The following ERC2 variants were observed in gnomAD, a reference collection of about 807,000 sequenced individuals.
ERC2 encodes ELKS/RAB6-interacting/CAST family member 2.
A neutral mutation model predicts 114.8 loss-of-function variants in ERC2; 42 were observed. The observed-to-expected ratio is 0.37, with a 90% CI of 0.29 to 0.47. The LOEUF (loss-of-function observed/expected upper bound fraction) is 0.47, where lower values mean the gene tolerates loss of function less well. Ranked by LOEUF, ERC2 falls within the 20% of genes least tolerant of loss-of-function variation. The pLI is 0.99. For missense variants in ERC2, 939 were observed against 1,150.7 expected (o/e 0.82, Z 2.66); for synonymous variants, 454 against 425.5 (o/e 1.07, Z -0.82).
intron 14 of ERC2, among the ~76,000 whole-genome samples, chr3:55,841,928 TAGTC>T (rs1333282790): frequency 6.6e-6 from 1 of 152,084 alleles, no homozygotes; most frequent in Non-Finnish European, 1.5e-5. Context: ...AAAAACCTAA[TAGTC>T]AGCCTAGCCT....
chr3:56,405,356 G>A (rs1487238484), intron 2 of ERC2, among the ~76,000 whole-genome samples: 1 of 152,036 alleles, frequency 6.6e-6, no homozygotes, highest in East Asian at 1.9e-4. Flanking sequence ...GAGCCTGGGA[G>A]GCAGAGGTTG....
At chr3:56,180,207 C>A (rs1043420215) in intron 3 of ERC2, among the ~76,000 whole-genome samples, 6 of 152,280 alleles carry the variant, frequency 3.9e-5, no homozygotes, top group African/African-American at 1.4e-4. Flanking sequence ...TCATTAGTGA[C>A]CTCATCTAGA....
chr3:55,688,461 G>C (rs2062451795), intron 16 of ERC2, among the ~76,000 whole-genome samples: 1 of 152,114 alleles, frequency 6.6e-6, no homozygotes, highest in East Asian at 1.9e-4. Context: ...ACACCCTTCT[G>C]ACTCCACCAT....
At chr3:55,662,318 C>CG (rs2061173020) in intron 17 of ERC2, among the ~76,000 whole-genome samples, 1 of 152,222 alleles carries the variant, frequency 6.6e-6, no homozygotes, top group South Asian at 2.1e-4. Context: ...GGCAAACTAT[C>CG]TAAATGCCCA....
chr3:55,822,691 G>A (rs1467971587), intron 14 of ERC2, among the ~76,000 whole-genome samples: 2 of 147,034 alleles, frequency 1.4e-5, no homozygotes, highest in South Asian at 2.2e-4. Flanking sequence ...CAGCCTCCCC[G>A]AGTAGCTGGG....
chr3:55,578,928 T>C (rs918075851), intron 17 of ERC2, among the ~76,000 whole-genome samples: 5 of 152,156 alleles, frequency 3.3e-5, no homozygotes, highest in African/African-American at 1.2e-4. Context: ...GGCAGAGTTC[T>C]GAGTGAGGGG....
intron 11 of ERC2, among the ~76,000 whole-genome samples, chr3:55,988,475 G>A (rs1395730976): frequency 6.6e-6 from 1 of 152,212 alleles, no homozygotes; most frequent in Non-Finnish European, 1.5e-5. Flanking sequence ...AATTTAAGAG[G>A]TAAATGCATT....
At chr3:56,216,813 C>G (rs1426062831) in intron 3 of ERC2, among the ~76,000 whole-genome samples, 4 of 152,160 alleles carry the variant, frequency 2.6e-5, no homozygotes, top group African/African-American at 9.7e-5. Flanking sequence ...GGGCTTCATC[C>G]CTGGGATGCA....
At chr3:55,530,590 C>T (rs1282309824) in intron 17 of ERC2, among the ~76,000 whole-genome samples, 1 of 152,148 alleles carries the variant, frequency 6.6e-6, no homozygotes, top group Non-Finnish European at 1.5e-5. Flanking sequence ...ATGGTTGGAG[C>T]CTACAAAAAT....
chr3:55,751,955 A>G lies in ERC2; in HGVS notation c.2565-17037T>C, dbSNP rs184655874. Among the ~76,000 whole-genome samples, 8 of 152,318 alleles carry G rather than the reference A, an allele frequency of 5.3e-5. No homozygotes were observed. In the East Asian group the frequency reaches 1.5e-3, roughly 29 times the overall value. On this transcript the variant is annotated intron_variant, in intron 14 of 17. Transcript: ENST00000288221. The stretch of plus-strand genomic sequence containing the variant: ...AGAGGGATACTTGAATAAACTGAGG[A>G]AAAGAAAAGAGCTAACAAGTGAGCT...
intron 3 of ERC2, among the ~76,000 whole-genome samples, chr3:56,274,190 C>T (rs957156034): frequency 2.0e-5 from 3 of 152,204 alleles, no homozygotes; most frequent in Non-Finnish European, 4.4e-5. Flanking sequence ...CTCTTAGGAG[C>T]CTGAACCTTA....
intron 17 of ERC2, among the ~76,000 whole-genome samples, chr3:55,578,443 G>C (rs2107550942): frequency 6.6e-6 from 1 of 152,206 alleles, no homozygotes; most frequent in Non-Finnish European, 1.5e-5. Flanking sequence ...TGAAGTCTTG[G>C]CTCACCTGTC....
At position 56,026,790 on chromosome 3, in the gene ERC2, A is replaced by G. The variant is rs112200406; in HGVS notation, c.1642-7759T>C. Among the ~76,000 whole-genome samples, 349 of 152,304 alleles carry G rather than the reference A, an allele frequency of 2.3e-3. 1 individual carries two copies. Among genetic ancestry groups the G allele is most frequent in the African/African-American group, 8.0e-3 (334 of 41,572 alleles). On this transcript the variant is annotated intron_variant, in intron 7 of 17. Coordinates refer to ENST00000288221, the MANE Select transcript of ERC2 (RefSeq NM_015576.3). The stretch of plus-strand genomic sequence containing the variant: ...AACCCAACGGCCTTATTCATATATC[A>G]TGAGTTTTTATATGCACTCATGTGC...
intron 5 of ERC2, among the ~76,000 whole-genome samples, chr3:56,148,296 T>A (rs1205216323): frequency 6.6e-6 from 1 of 152,206 alleles, no homozygotes; most frequent in South Asian, 2.1e-4. Context: ...TAATAACTTT[T>A]TTTTTTTGAG....
intron 2 of ERC2, among the ~76,000 whole-genome samples, chr3:56,397,152 G>T (rs2060340061): frequency 6.6e-6 from 1 of 152,050 alleles, no homozygotes; most frequent in Non-Finnish European, 1.5e-5. Flanking sequence ...GTTTTTAAAT[G>T]GTTTTTGTTT....
intron 14 of ERC2, among the ~76,000 whole-genome samples, chr3:55,847,409 G>A (rs1364859634): frequency 6.6e-6 from 1 of 152,160 alleles, no homozygotes; most frequent in Non-Finnish European, 1.5e-5. Flanking sequence ...AGTCATATGC[G>A]AGGGCTTGAA....
Position 55,510,385 on chromosome 3 carries a change from T to C in ERC2, c.*931A>G, listed in dbSNP as rs2051997580. 6.6e-6 allele frequency: 1 copy of C among 152,390 alleles called. No homozygotes were observed. The highest frequency in any genetic ancestry group is 1.5e-5 in the Non-Finnish European group (1 of 68,046). 9.4% of individuals were successfully genotyped at this position (152,390 alleles called of 1,614,324 possible). On this transcript the variant is annotated 3_prime_UTR_variant, in exon 18 of 18. Coordinates refer to ENST00000288221, the MANE Select transcript of ERC2 (RefSeq NM_015576.3). The stretch of plus-strand genomic sequence containing the variant: ...CCCAGCTTCTTCATGGAGACCTGCA[T>C]GCACCGGGATGGTAAGAGTCTGAGG...
At chr3:56,448,188 A>T (rs2062667848) in intron 1 of ERC2, among the ~76,000 whole-genome samples, 1 of 152,124 alleles carries the variant, frequency 6.6e-6, no homozygotes, top group Non-Finnish European at 1.5e-5. Flanking sequence ...TTAGAATTTC[A>T]TATTAATATG....
chr3:55,554,797 C>A (rs190706593), intron 17 of ERC2, among the ~76,000 whole-genome samples: 1 of 152,110 alleles, frequency 6.6e-6, no homozygotes, highest in Non-Finnish European at 1.5e-5. Context: ...CCTAGGGGCA[C>A]TGTCAGCCTC....
Sources: allele counts gnomAD v4.1 joint callset (sites outside exome capture counted in the v4.1 genomes callset), GRCh38; gene constraint gnomAD v4.1.1; transcripts MANE v1.5; gene names NCBI Gene and HGNC (gene_info 2026-07-23, HGNC 2026-07-21).